The following SYN2 variants were observed in gnomAD, a reference collection of about 807,000 sequenced individuals.
SYN2 encodes synapsin-2.
A neutral mutation model predicts 50.9 loss-of-function variants in SYN2; 19 were observed. The ratio of observed to expected loss-of-function variants is 0.37; its 90% CI spans 0.26 to 0.55. SYN2 has a LOEUF of 0.55. SYN2 is among the 20% of genes least tolerant of loss of function. SYN2 has a pLI of 0.81. For synonymous variants in SYN2, 255 were observed against 224.9 expected, an observed-to-expected ratio of 1.13 and a Z score of -1.20; for missense variants, 587 against 576.4, an observed-to-expected ratio of 1.02 and a Z score of -0.19.
rs191010537 is a variant in SYN2 at position 12,071,342 on chromosome 3, C to T, written c.377+66414C>T. On this transcript the variant is annotated intron_variant, in intron 1 of 12. Transcript: ENST00000621198. ...GAGTACAACAAGTTGGCCCCTCCAT[C>T]GTCCACCGCAAATGCTTCTAAATGG... 6.1e-5 allele frequency: 35 copies of T among 570,416 alleles called. No homozygotes were observed. In the East Asian group the frequency reaches 6.9e-4, roughly 11 times the overall value. 35.3% of individuals were successfully genotyped at this position (570,416 alleles called of 1,614,324 possible). A position where few individuals can be genotyped will look rare whatever the true frequency, so the allele number is the denominator to read the frequency against.
intron 1 of SYN2, among the ~76,000 whole-genome samples, chr3:12,026,214 G>A (rs993778598): frequency 6.6e-6 from 1 of 151,854 alleles, no homozygotes; most frequent in African/African-American, 2.4e-5. Flanking sequence ...GTGTAGCTCT[G>A]GTTTCATTTA....
At chr3:12,023,313 T>C (rs1215395731) in intron 1 of SYN2, among the ~76,000 whole-genome samples, 2 of 152,196 alleles carry the variant, frequency 1.3e-5, no homozygotes, top group East Asian at 3.8e-4. Flanking sequence ...TATTTTTAGC[T>C]AATCTTTATC....
intron 1 of SYN2, among the ~76,000 whole-genome samples, chr3:12,069,306 T>C (rs1340183837): frequency 6.6e-6 from 1 of 151,434 alleles, no homozygotes; most frequent in Admixed American, 6.6e-5. Context: ...TGGAGTGCAG[T>C]GGCACAATCT....
intron 1 of SYN2, among the ~76,000 whole-genome samples, chr3:12,085,226 T>C (rs1193752718): frequency 6.6e-6 from 1 of 151,918 alleles, no homozygotes; most frequent in East Asian, 1.9e-4. Flanking sequence ...GGAATAGCTA[T>C]ACTTACATCA....
intron 1 of SYN2, among the ~76,000 whole-genome samples, chr3:12,108,686 G>T (rs879630685): frequency 3.9e-5 from 6 of 152,006 alleles, no homozygotes; most frequent in Admixed American, 6.5e-5. Flanking sequence ...TAAGTCATCA[G>T]ATTCCACGGT....
At chr3:12,119,144 C>T (rs1696495897) in intron 1 of SYN2, among the ~76,000 whole-genome samples, 1 of 152,080 alleles carries the variant, frequency 6.6e-6, no homozygotes, top group Non-Finnish European at 1.5e-5. Flanking sequence ...AATAGATCTG[C>T]CTATCTTCTT....
intron 1 of SYN2, among the ~76,000 whole-genome samples, chr3:12,061,354 T>C (rs779562770): frequency 6.2e-4 from 95 of 152,120 alleles, no homozygotes; most frequent in Non-Finnish European, 1.3e-3. Flanking sequence ...AAATGCAACG[T>C]TGATTCATGA....
chr3:12,097,616 AAAAAAAGAAAG>A (rs1388898272), intron 1 of SYN2, among the ~76,000 whole-genome samples: 2 of 151,980 alleles, frequency 1.3e-5, no homozygotes, highest in Non-Finnish European at 2.9e-5. Context: ...AACAAAAAAA[AAAAAAAGAAAG>A]AAAAAAGAAA....
intron 3 of SYN2, among the ~76,000 whole-genome samples, chr3:12,144,568 G>A (rs575636918): frequency 6.6e-6 from 1 of 152,290 alleles, no homozygotes; most frequent in African/African-American, 2.4e-5. Flanking sequence ...CTCTTATACA[G>A]CCTCATGAAG....
Position 12,190,502 on chromosome 3 carries a change from C to G in SYN2, c.1626C>G (p.Ser542=). ...TTTTATCTTCAAGCAAGTCGCAGTC[C>G]CTGACAAATGCCTTCAGCTTCTCTG... The part of the protein sequence containing the change: ...QPHPQLNKSQ[S]LTNAFSFSES... Residue 542 remains serine, a synonymous_variant, in exon 13 of 13, where the codon TCC becomes TCG. Coordinates refer to ENST00000621198, the MANE Select transcript of SYN2 (RefSeq NM_133625.6). 1 of 1,613,746 alleles carries G rather than the reference C, an allele frequency of 6.2e-7. No individual in the cohort carries two copies.
In SYN2 at chr3:12,187,404, G is replaced by A; in HGVS notation, c.1405G>A (p.Gly469Ser). The A allele has an allele frequency of 6.4e-7, 1 of 1,550,540 alleles. No homozygotes were observed. The highest frequency in any genetic ancestry group is 8.7e-7 in the Non-Finnish European group (1 of 1,145,956). The change falls in exon 12 of 13, where the codon GGC becomes AGC. Residue 469 changes from glycine to serine, a missense_variant. Coordinates refer to ENST00000621198, the MANE Select transcript of SYN2 (RefSeq NM_133625.6). ...PGQPQGMQPPGKVLPPRRLPP... is the reference protein window; with the variant it reads ...PGQPQGMQPPSKVLPPRRLPP... Reference sequence around the variant, plus strand: ...GCAACCCCAAGGAATGCAGCCCCCAGGCAAGGTGCTGCCTCCACGCCGGCT... The same window carrying A: ...GCAACCCCAAGGAATGCAGCCCCCAAGCAAGGTGCTGCCTCCACGCCGGCT...
chr3:12,070,998 G>T, intron 1 of SYN2: 1 of 550,026 alleles, frequency 1.8e-6, no homozygotes, highest in South Asian at 1.5e-5. Context: ...GCAACAAGTG[G>T]TCCTGGTGTC....
At position 12,041,705 on chromosome 3, in the gene SYN2, G is replaced by A. The variant is rs1249013502; in HGVS notation, c.377+36777G>A. 2.0e-5 allele frequency among the ~76,000 whole-genome samples: 3 copies of A among 152,128 alleles called. No individual in the cohort carries two copies. The East Asian group carries it at 5.8e-4, about 29-fold the overall frequency. ...GCCAGGCTTTTTTCCATAAAGCCCTGCTTTCATCATGGCATTCTCCATTCA... is the reference window on the plus strand; with the variant it reads ...GCCAGGCTTTTTTCCATAAAGCCCTACTTTCATCATGGCATTCTCCATTCA... On this transcript the variant is annotated intron_variant, in intron 1 of 12. Transcript: ENST00000621198.
intron 10 of SYN2, among the ~76,000 whole-genome samples, chr3:12,171,949 A>G (rs1697946528): frequency 6.6e-6 from 1 of 152,222 alleles, no homozygotes; most frequent in African/African-American, 2.4e-5. Flanking sequence ...TGTAAGAGAA[A>G]TCTACAATGT....
At chr3:12,080,921 G>A (rs570708713) in intron 1 of SYN2, among the ~76,000 whole-genome samples, 62 of 152,128 alleles carry the variant, frequency 4.1e-4, no homozygotes, top group African/African-American at 1.5e-3. Flanking sequence ...TAGGGTACTT[G>A]CTGTTCCAAT....
At chr3:12,057,323 G>GTGTGTA (rs1553611276) in intron 1 of SYN2, among the ~76,000 whole-genome samples, 2 of 142,200 alleles carry the variant, frequency 1.4e-5, no homozygotes, top group Admixed American at 7.2e-5. Flanking sequence ...GTGTGTGTGT[G>GTGTGTA]TATACTTTTT....
chr3:12,163,535 C>T (rs886748041), intron 7 of SYN2, among the ~76,000 whole-genome samples: 2 of 152,170 alleles, frequency 1.3e-5, no homozygotes, highest in African/African-American at 2.4e-5. Flanking sequence ...TTTGTGTCAC[C>T]CTCCTCCTCC....
chr3:12,017,602 G>A (rs1313445945), intron 1 of SYN2, among the ~76,000 whole-genome samples: 1 of 152,158 alleles, frequency 6.6e-6, no homozygotes, highest in Non-Finnish European at 1.5e-5. Flanking sequence ...AAAAAGAGGA[G>A]ATAAAGTATA....
chr3:12,014,612 T>C lies in SYN2; in HGVS notation c.377+9684T>C, dbSNP rs6762551. 8.7e-3 allele frequency among the ~76,000 whole-genome samples: 1,329 copies of C among 152,298 alleles called. 19 individuals carry two copies. Among genetic ancestry groups the C allele is most frequent in the African/African-American group, 0.031 (1,271 of 41,558 alleles). The stretch of plus-strand genomic sequence containing the variant: ...AGTTTCTCTTACCATATATTGACAC[T>C]TGGCTCTCAAGGAACCATTTTTCTG... On this transcript the variant is annotated intron_variant, in intron 1 of 12. Transcript: ENST00000621198.
Sources: gnomAD v4.1 joint callset for allele counts (sites outside exome capture counted in the v4.1 genomes callset) on GRCh38, gnomAD v4.1.1 for gene constraint, MANE v1.5 for transcripts, NCBI Gene and HGNC (gene_info 2026-07-23, HGNC 2026-07-21) for gene names.